Variants in GPC5 observed in about 807,000 individuals in gnomAD.
GPC5 encodes the protein glypican 5.
Under a neutral mutation model 53.9 loss-of-function variants are expected in GPC5, and 47 were observed. The observed-to-expected ratio is 0.87, with a 90% CI of 0.69 to 1.11. GPC5 has a LOEUF of 1.11. Ranked by LOEUF, GPC5 falls within the 50% of genes most tolerant of loss-of-function variation. The pLI is 0.00. For synonymous variants in GPC5, 286 were observed against 263.3 expected (o/e 1.09, Z -0.84); for missense variants, 748 against 713.1 (o/e 1.05, Z -0.56).
intron 5 of GPC5, among the ~76,000 whole-genome samples, chr13:91,894,539 T>C (rs118106789): frequency 2.6e-5 from 4 of 152,290 alleles, no homozygotes; most frequent in Non-Finnish European, 5.9e-5. Context: ...TATTTAAGAA[T>C]CCCATTCCAT....
At chr13:91,756,628 A>G (rs1196967423) in intron 5 of GPC5, among the ~76,000 whole-genome samples, 4 of 151,892 alleles carry the variant, frequency 2.6e-5, no homozygotes, top group African/African-American at 4.8e-5. Flanking sequence ...ATTCTGTGGT[A>G]TTTTGAAAGT....
At chr13:92,489,915 G>A (rs1879698660) in intron 7 of GPC5, among the ~76,000 whole-genome samples, 1 of 151,612 alleles carries the variant, frequency 6.6e-6, no homozygotes, top group African/African-American at 2.4e-5. Flanking sequence ...TAAAATATAG[G>A]GCAAGTTTCT....
intron 6 of GPC5, chr13:91,996,415 C>G (rs987814514): frequency 6.6e-6 from 1 of 152,206 alleles, no homozygotes; most frequent in Non-Finnish European, 1.5e-5. Flanking sequence ...ACAGAACATA[C>G]TCATAAGGCA....
intron 7 of GPC5, among the ~76,000 whole-genome samples, chr13:92,300,137 A>G (rs567952679): frequency 6.6e-6 from 1 of 152,326 alleles, no homozygotes; most frequent in South Asian, 2.1e-4. Context: ...CTAGAAGCAC[A>G]CTTTCCATTT....
intron 7 of GPC5, among the ~76,000 whole-genome samples, chr13:92,647,243 C>T (rs1885803244): frequency 6.6e-6 from 1 of 151,992 alleles, no homozygotes. Flanking sequence ...ATTATATTCA[C>T]CGTAGGTTTT....
chr13:92,791,480 A>G (rs1876462601), intron 7 of GPC5, among the ~76,000 whole-genome samples: 1 of 151,934 alleles, frequency 6.6e-6, no homozygotes, highest in Non-Finnish European at 1.5e-5. Context: ...GGACAATAGT[A>G]GTCATCCAGC....
chr13:92,035,857 G>A (rs933669155), intron 6 of GPC5, among the ~76,000 whole-genome samples: 2 of 150,848 alleles, frequency 1.3e-5, no homozygotes, highest in Non-Finnish European at 2.9e-5. Flanking sequence ...CTTCCATTCA[G>A]TTTTTAATCT....
chr13:91,793,138 G>C (rs893884166), intron 5 of GPC5, among the ~76,000 whole-genome samples: 1 of 152,136 alleles, frequency 6.6e-6, no homozygotes, highest in Admixed American at 6.5e-5. Flanking sequence ...CAGTTCCTTA[G>C]AGCAGGGGAG....
At chr13:92,364,313 T>C (rs2043591132) in intron 7 of GPC5, among the ~76,000 whole-genome samples, 1 of 151,700 alleles carries the variant, frequency 6.6e-6, no homozygotes, top group Non-Finnish European at 1.5e-5. Flanking sequence ...TTTCCAGCTA[T>C]CATAAGGTGT....
chr13:92,602,245 T>C (rs1243999368), intron 7 of GPC5, among the ~76,000 whole-genome samples: 13 of 140,146 alleles, frequency 9.3e-5, no homozygotes, highest in African/African-American at 1.6e-4. Flanking sequence ...TATATATATA[T>C]ATATATATAT....
chr13:92,156,046 G>A (rs1593939923), intron 7 of GPC5, among the ~76,000 whole-genome samples: 2 of 152,018 alleles, frequency 1.3e-5, no homozygotes, highest in East Asian at 3.8e-4. Context: ...TGTTTCAATA[G>A]CTTTTCTAAA....
At chr13:92,274,436 C>A (rs190252398) in intron 7 of GPC5, among the ~76,000 whole-genome samples, 22 of 152,212 alleles carry the variant, frequency 1.4e-4, no homozygotes, top group African/African-American at 5.3e-4. Context: ...AACATACCAC[C>A]CTTCTCCTGA....
chr13:92,076,254 G>A (rs1336028242), intron 6 of GPC5, among the ~76,000 whole-genome samples: 1 of 151,858 alleles, frequency 6.6e-6, no homozygotes, highest in African/African-American at 2.4e-5. Context: ...TTTATTTTTT[G>A]TATTTTTAGT....
At chr13:91,969,369 A>G (rs1218386484) in intron 6 of GPC5, among the ~76,000 whole-genome samples, 1 of 152,204 alleles carries the variant, frequency 6.6e-6, no homozygotes, top group African/African-American at 2.4e-5. Context: ...ATGAACACAA[A>G]AAAGTTAACT....
At chr13:92,712,436 G>T (rs1462112851) in intron 7 of GPC5, among the ~76,000 whole-genome samples, 1 of 141,688 alleles carries the variant, frequency 7.1e-6, no homozygotes, top group Non-Finnish European at 1.5e-5. Flanking sequence ...AAACCATAAG[G>T]ACAAGACAGT....
intron 5 of GPC5, among the ~76,000 whole-genome samples, chr13:91,760,163 AT>A (rs1461785249): frequency 6.6e-6 from 1 of 152,168 alleles, no homozygotes; most frequent in Non-Finnish European, 1.5e-5. Flanking sequence ...CTATTTATAC[AT>A]TTAATTTCTA....
At chr13:91,617,980 T>C (rs1471074415) in intron 2 of GPC5, among the ~76,000 whole-genome samples, 3 of 152,118 alleles carry the variant, frequency 2.0e-5, no homozygotes, top group South Asian at 4.1e-4. Context: ...AATATTCTCC[T>C]CCTTCTTCTA....
chr13:91,637,490 T>C (rs891838734), intron 2 of GPC5, among the ~76,000 whole-genome samples: 9 of 152,324 alleles, frequency 5.9e-5, no homozygotes, highest in East Asian at 1.9e-4. Flanking sequence ...ACAAGGGATA[T>C]AGTCATGTAG....
At chr13:91,589,828 G>T (rs1384131198) in intron 2 of GPC5, among the ~76,000 whole-genome samples, 1 of 152,076 alleles carries the variant, frequency 6.6e-6, no homozygotes, top group African/African-American at 2.4e-5. Flanking sequence ...ACTCAAAGAT[G>T]TAGGGATTCA....
Sources: gnomAD v4.1 joint callset for allele counts (sites outside exome capture counted in the v4.1 genomes callset) on GRCh38, gnomAD v4.1.1 for gene constraint, MANE v1.5 for transcripts, NCBI Gene and HGNC (gene_info 2026-07-23, HGNC 2026-07-21) for gene names.